Variants in ZMYM4 observed in about 807,000 individuals in gnomAD.
ZMYM4 encodes zinc finger MYM-type protein 4.
In ZMYM4, 31 loss-of-function variants were observed where a neutral mutation model predicts 183.2. That is an observed-to-expected ratio of 0.17 (90% CI 0.13 to 0.23). The LOEUF (loss-of-function observed/expected upper bound fraction) is 0.23, where lower values mean the gene tolerates loss of function less well. ZMYM4 is among the 10% of genes least tolerant of loss of function. ZMYM4 has a pLI of 1.00. For synonymous variants in ZMYM4, 592 were observed against 631.2 expected, an observed-to-expected ratio of 0.94 and a Z score of 0.93; for missense variants, 1,273 against 1,840.3, an observed-to-expected ratio of 0.69 and a Z score of 5.64.
rs150731079 is a variant in ZMYM4, at chr1:35,340,819, T to C, written c.85+15414T>C. 2.6e-5 allele frequency among the ~76,000 whole-genome samples: 4 copies of C among 152,306 alleles called. No homozygotes were observed. The East Asian group carries it at 7.7e-4, about 29-fold the overall frequency. ...TTTCTAACAGGCCATGGACTGGTACTGGTCTGTGGCCTGGAGTTTGGGTAC... is the reference window on the plus strand; with the variant it reads ...TTTCTAACAGGCCATGGACTGGTACCGGTCTGTGGCCTGGAGTTTGGGTAC... On this transcript the variant is annotated intron_variant, in intron 2 of 29. Coordinates refer to ENST00000314607, the MANE Select transcript of ZMYM4 (RefSeq NM_005095.3).
At chr1:35,331,933 A>C (rs908533170) in intron 2 of ZMYM4, among the ~76,000 whole-genome samples, 3 of 151,948 alleles carry the variant, frequency 2.0e-5, no homozygotes, top group Non-Finnish European at 2.9e-5. Flanking sequence ...AGGGTGGTAA[A>C]AGTATGTTGT....
intron 9 of ZMYM4, among the ~76,000 whole-genome samples, chr1:35,382,416 C>T (rs1644484240): frequency 6.6e-6 from 1 of 150,652 alleles, no homozygotes; most frequent in South Asian, 2.1e-4. Context: ...TTTGTTTATA[C>T]ACGTTTATGC....
At chr1:35,310,377 G>T in intron 1 of ZMYM4, 1 of 248,248 alleles carries the variant, frequency 4.0e-6, no homozygotes, top group Non-Finnish European at 7.8e-6. Context: ...AATATTACAA[G>T]GGTCTCTGAT....
chr1:35,418,327 A>G (rs562952426), intron 28 of ZMYM4, 116 bp from the exon 29 acceptor site: 7 of 1,090,452 alleles, frequency 6.4e-6, no homozygotes, highest in Middle Eastern at 3.0e-4. Flanking sequence ...AGTGTGAGTG[A>G]GTGAAAGGGA....
chr1:35,355,683 A>G lies in ZMYM4; in HGVS notation c.86-3242A>G, dbSNP rs1049020534. ...CATTTGATCTTTTATATTTTTATTT[A>G]TAACTTGATCTTTTATTCTGGATTT... On this transcript the variant is annotated intron_variant, in intron 2 of 29. Transcript: ENST00000314607. Among the ~76,000 whole-genome samples, 7 of 152,036 alleles carry G rather than the reference A, an allele frequency of 4.6e-5. No homozygotes were observed. In the East Asian group the frequency reaches 1.2e-3, roughly 25 times the overall value.
chr1:35,339,968 A>G (rs1477468948), intron 2 of ZMYM4, among the ~76,000 whole-genome samples: 1 of 152,216 alleles, frequency 6.6e-6, no homozygotes, highest in Non-Finnish European at 1.5e-5. Context: ...TTCCTGTGAC[A>G]GTACCAAGGT....
chr1:35,348,103 T>G (rs972955106), intron 2 of ZMYM4, among the ~76,000 whole-genome samples: 1 of 152,204 alleles, frequency 6.6e-6, no homozygotes, highest in African/African-American at 2.4e-5. Context: ...TGTTCTCATA[T>G]TGAAAAACAA....
In ZMYM4 at chr1:35,359,452, A is replaced by G. The variant is rs1431797242; in HGVS notation, c.607+6A>G. On this transcript the variant is annotated splice_donor_region_variant and intron_variant, in intron 3 of 29. Coordinates refer to ENST00000314607, the MANE Select transcript of ZMYM4 (RefSeq NM_005095.3). ...CAGTTTTTTTGATAAAGCAGGTAAT[A>G]ATTGTTGGACTTAGAACCATAAAAC... The G allele has an allele frequency of 6.5e-7, 1 of 1,550,270 alleles. No individual in the cohort carries two copies. The highest frequency in any genetic ancestry group is 8.6e-7 in the Non-Finnish European group (1 of 1,157,028).
rs144770135 is a variant in ZMYM4 at position 35,388,782 on chromosome 1, C to A, written c.2264-128C>A. ...CAAACTCCTGGGCTCAAGCACTCCTCCCGCCAGCCTCCCAAAGTGTTGGGA... is the reference window on the plus strand; with the variant it reads ...CAAACTCCTGGGCTCAAGCACTCCTACCGCCAGCCTCCCAAAGTGTTGGGA... On this transcript the variant is annotated intron_variant, in intron 13 of 29. Coordinates refer to ENST00000314607, the MANE Select transcript of ZMYM4 (RefSeq NM_005095.3). 3,004 of 801,236 alleles carry A rather than the reference C, an allele frequency of 3.7e-3. 8 individuals are homozygous for A. The highest frequency in any genetic ancestry group is 5.8e-3 in the Admixed American group (204 of 35,356). 49.6% of individuals were successfully genotyped at this position (801,236 alleles called of 1,614,324 possible).
intron 7 of ZMYM4, among the ~76,000 whole-genome samples, chr1:35,375,290 T>C (rs1644311231): frequency 1.3e-5 from 2 of 152,220 alleles, no homozygotes; most frequent in Non-Finnish European, 2.9e-5. Context: ...CCTTTCCTTC[T>C]TTTTTATCCC....
At chr1:35,412,959 T>G (rs1639973643) in intron 26 of ZMYM4, among the ~76,000 whole-genome samples, 1 of 152,064 alleles carries the variant, frequency 6.6e-6, no homozygotes, top group African/African-American at 2.4e-5. Context: ...CCAAAATACT[T>G]TTATCACGTA....
Position 35,389,133 on chromosome 1 carries a change from C to G in ZMYM4, c.2436+51C>G. The G allele has an allele frequency of 6.6e-7, 1 of 1,524,848 alleles. No homozygotes were observed. The highest frequency in any genetic ancestry group is 8.8e-7 in the Non-Finnish European group (1 of 1,135,772). The allele number at this position is 1,524,848 out of a possible 1,614,324, so 94.5% of individuals were successfully genotyped here. The stretch of plus-strand genomic sequence containing the variant: ...TTTTCATTCTAGGGCATAAATTATT[C>G]CCTTTTAAAATTTCATGTCACATAA... On this transcript the variant is annotated intron_variant, in intron 14 of 29. Coordinates refer to ENST00000314607, the MANE Select transcript of ZMYM4 (RefSeq NM_005095.3). The surrounding 1 kb of genome is among the most constrained non-coding windows in gnomAD (Gnocchi z 4.0).
At chr1:35,402,358 A>G in intron 23 of ZMYM4, among the ~76,000 whole-genome samples, 1 of 152,154 alleles carries the variant, frequency 6.6e-6, no homozygotes, top group Non-Finnish European at 1.5e-5. Context: ...ACTCACACCT[A>G]TAATCCTAGT....
intron 15 of ZMYM4, 55 bp downstream of exon 15, chr1:35,390,153 G>C: frequency 6.5e-7 from 1 of 1,549,528 alleles, no homozygotes; most frequent in Non-Finnish European, 8.8e-7. Flanking sequence ...AGGAACTACT[G>C]TTCTTTTACA....
At chr1:35,329,526 C>T (rs970914980) in intron 2 of ZMYM4, among the ~76,000 whole-genome samples, 9 of 152,112 alleles carry the variant, frequency 5.9e-5, no homozygotes, top group African/African-American at 1.9e-4. Context: ...GCAATGGTTA[C>T]TTTTCTTATT....
intron 1 of ZMYM4, among the ~76,000 whole-genome samples, chr1:35,315,866 T>C (rs1642020670): frequency 6.6e-6 from 1 of 152,012 alleles, no homozygotes; most frequent in Non-Finnish European, 1.5e-5. Context: ...TTCAAGGCTG[T>C]GGTGAGCAAA....
chr1:35,337,570 G>A (rs114773346), intron 2 of ZMYM4, among the ~76,000 whole-genome samples: 2,045 of 152,212 alleles, frequency 0.013, 47 homozygotes, highest in African/African-American at 0.047. Flanking sequence ...TCTCTAAAGG[G>A]CCAGATAGTA....
intron 22 of ZMYM4, 23 bp downstream of exon 22, chr1:35,399,066 A>C: frequency 6.2e-7 from 1 of 1,608,734 alleles, no homozygotes; most frequent in Non-Finnish European, 8.5e-7. Context: ...TAACCTGTCC[A>C]CTGAAAGCTT....
In ZMYM4 at chr1:35,368,742, T is replaced by C. The variant is rs1353945170; in HGVS notation, c.841-1287T>C. Among the ~76,000 whole-genome samples the C allele has an allele frequency of 6.6e-5, 10 of 152,176 alleles. 1 individual carries two copies. The East Asian group carries it at 7.7e-4, about 12-fold the overall frequency. ...GGGAGTATGAATATTCACAGAGATA[T>C]TCATCGTGGCATTACTGATTGTACT... On this transcript the variant is annotated intron_variant, in intron 5 of 29. Coordinates refer to ENST00000314607, the MANE Select transcript of ZMYM4 (RefSeq NM_005095.3).
Sources: gnomAD v4.1 joint callset for allele counts (sites outside exome capture counted in the v4.1 genomes callset) on GRCh38, gnomAD v4.1.1 for gene constraint, Gnocchi (gnomAD v3.1) non-coding constraint, MANE v1.5 for transcripts, NCBI Gene and HGNC (gene_info 2026-07-23, HGNC 2026-07-21) for gene names.